The following CIMIP4 variants were observed in gnomAD, a reference collection of about 807,000 sequenced individuals.
CIMIP4 encodes ciliary microtubule inner protein 4, also known as protein EAN57.
At chr22:36,998,509 C>T in the CIMIP4 span, among the ~76,000 whole-genome samples, 3 of 152,108 alleles carry the variant, frequency 2.0e-5, no homozygotes, top group African/African-American at 7.2e-5. Flanking sequence ...CAGAGAGAAG[C>T]CCCTGCGTGC....
the CIMIP4 span, among the ~76,000 whole-genome samples, chr22:36,995,876 T>A: frequency 6.6e-6 from 1 of 152,214 alleles, no homozygotes; most frequent in East Asian, 1.9e-4. Flanking sequence ...ATCAGCAGTA[T>A]GAAAACAGAC....
At chr22:37,004,387 G>T in the CIMIP4 span, among the ~76,000 whole-genome samples, 1 of 151,244 alleles carries the variant, frequency 6.6e-6, no homozygotes, top group African/African-American at 2.4e-5. Flanking sequence ...CTCCTCTTCT[G>T]CCCCATCACC....
the CIMIP4 span, among the ~76,000 whole-genome samples, chr22:37,001,355 C>T: frequency 1.3e-5 from 2 of 151,904 alleles, no homozygotes; most frequent in Admixed American, 6.6e-5. Context: ...CAAAGTCATC[C>T]AGCATTTAGG....
At chr22:36,992,164 T>C in the CIMIP4 span, among the ~76,000 whole-genome samples, 1 of 152,080 alleles carries the variant, frequency 6.6e-6, no homozygotes, top group East Asian at 1.9e-4. Flanking sequence ...CTGACCAACA[T>C]GGTGAAACCC....
the CIMIP4 span, chr22:36,991,704 G>A: frequency 5.1e-5 from 46 of 908,244 alleles, no homozygotes; most frequent in African/African-American, 1.5e-4. Flanking sequence ...GGAACGGAAG[G>A]AGAGTGGGAA....
the CIMIP4 span, among the ~76,000 whole-genome samples, chr22:37,000,689 T>TA: frequency 6.6e-6 from 1 of 152,120 alleles, no homozygotes; most frequent in Non-Finnish European, 1.5e-5. Context: ...TGACATAAGT[T>TA]ACAGATGGGC....
At chr22:37,001,303 C>T in the CIMIP4 span, among the ~76,000 whole-genome samples, 1 of 151,860 alleles carries the variant, frequency 6.6e-6, no homozygotes, top group South Asian at 2.1e-4. Flanking sequence ...CCTCGCTTTA[C>T]AGATGTGGAG....
At chr22:37,002,598 C>T in the CIMIP4 span, among the ~76,000 whole-genome samples, 2 of 152,192 alleles carry the variant, frequency 1.3e-5, no homozygotes, top group Non-Finnish European at 2.9e-5. Flanking sequence ...CTAAGCCTGT[C>T]CCGCCTTGAG....
chr22:37,002,500 G>A, the CIMIP4 span, among the ~76,000 whole-genome samples: 71 of 152,160 alleles, frequency 4.7e-4, no homozygotes, highest in African/African-American at 1.6e-3. Context: ...TGGGAAATTA[G>A]GAGACACAAT....
chr22:36,997,218 C>T, the CIMIP4 span, among the ~76,000 whole-genome samples: 3 of 152,116 alleles, frequency 2.0e-5, no homozygotes, highest in Non-Finnish European at 4.4e-5. Context: ...AAAAATCAAC[C>T]CCAGGTGGAT....
chr22:36,996,578 G>A, the CIMIP4 span, among the ~76,000 whole-genome samples: 1 of 152,000 alleles, frequency 6.6e-6, no homozygotes, highest in Non-Finnish European at 1.5e-5. Context: ...TCATATATTA[G>A]AAAATTCATT....
chr22:36,992,845 C>A, the CIMIP4 span, among the ~76,000 whole-genome samples: 1 of 151,012 alleles, frequency 6.6e-6, no homozygotes, highest in East Asian at 2.0e-4. Flanking sequence ...GGCGCGGTGG[C>A]TCACGCCTGT....
chr22:37,000,507 G>A, the CIMIP4 span, among the ~76,000 whole-genome samples: 528 of 152,286 alleles, frequency 3.5e-3, 4 homozygotes, highest in South Asian at 0.019. Flanking sequence ...TCCAGGGGCA[G>A]GACACCTAGG....
chr22:36,996,942 C>T, the CIMIP4 span, among the ~76,000 whole-genome samples: 1 of 152,208 alleles, frequency 6.6e-6, no homozygotes. Context: ...ATAAAAGGTA[C>T]TGAGGCAGTC....
the CIMIP4 span, chr22:37,001,875 C>T: frequency 6.2e-7 from 1 of 1,608,606 alleles, no homozygotes; most frequent in Non-Finnish European, 8.5e-7. Flanking sequence ...ACATTGCTCC[C>T]AAACTTGTGG....
chr22:36,998,112 T>C, the CIMIP4 span, among the ~76,000 whole-genome samples: 1 of 152,208 alleles, frequency 6.6e-6, no homozygotes, highest in Non-Finnish European at 1.5e-5. Context: ...ACTTCCCAGG[T>C]GGGATGATGG....
chr22:37,002,444 G>A, the CIMIP4 span: 4 of 544,308 alleles, frequency 7.3e-6, no homozygotes, highest in Non-Finnish European at 1.2e-5. Flanking sequence ...CACAGCCAGA[G>A]AAGGGGAGAG....
chr22:36,999,962 A>C, the CIMIP4 span: 1 of 1,613,192 alleles, frequency 6.2e-7, no homozygotes, highest in South Asian at 1.1e-5. Context: ...GCCCTCGAAG[A>C]CTTCATCAAT....
the CIMIP4 span, among the ~76,000 whole-genome samples, chr22:36,993,887 G>A: frequency 2.0e-5 from 3 of 152,114 alleles, no homozygotes; most frequent in African/African-American, 4.8e-5. Context: ...TACAGAAAAT[G>A]TTTTCCAGGT....
Sources: allele counts gnomAD v4.1 joint callset (sites outside exome capture counted in the v4.1 genomes callset), GRCh38; gene constraint gnomAD v4.1.1; transcripts MANE v1.5; gene names NCBI Gene and HGNC (gene_info 2026-07-23, HGNC 2026-07-21).